The following ZNF521 variants were observed in gnomAD, a reference collection of about 807,000 sequenced individuals.
The protein encoded by ZNF521 is LYST-interacting protein 3.
ZNF521 carries 14 observed loss-of-function variants against 105.5 expected under a neutral mutation model. The observed-to-expected ratio is 0.13, with a 90% CI of 0.09 to 0.21. The LOEUF (loss-of-function observed/expected upper bound fraction) is 0.21. ZNF521 is among the 10% of genes least tolerant of loss of function. The probability of loss-of-function intolerance (pLI) is 1.00; values close to 1 mark genes in which losing one functional copy is unlikely to be tolerated. For synonymous variants in ZNF521, 635 were observed against 606.0 expected, an observed-to-expected ratio of 1.05 and a Z score of -0.70; for missense variants, 1,233 against 1,629.7, an observed-to-expected ratio of 0.76 and a Z score of 4.19.
chr18:25,101,873 T>C lies in ZNF521; in HGVS notation c.3659-9792A>G, dbSNP rs564633071. On this transcript the variant is annotated intron_variant, in intron 5 of 7. Transcript: ENST00000361524. The stretch of plus-strand genomic sequence containing the variant: ...ACAGCAATAATGATAAATGAATTTC[T>C]TTACAGCCAAGTGGCTCAAGCAGCC... Among the ~76,000 whole-genome samples, 5 of 152,318 alleles carry C rather than the reference T, an allele frequency of 3.3e-5. No homozygotes were observed. In the East Asian group the frequency reaches 9.7e-4, roughly 29 times the overall value.
intron 3 of ZNF521, among the ~76,000 whole-genome samples, chr18:25,313,077 A>C (rs146263826): frequency 2.7e-4 from 41 of 152,218 alleles, no homozygotes; most frequent in African/African-American, 6.3e-4. Flanking sequence ...TACTCTGAAT[A>C]GTCAGAAACC....
At chr18:25,242,597 T>C (rs1907412256) in intron 3 of ZNF521, among the ~76,000 whole-genome samples, 1 of 152,200 alleles carries the variant, frequency 6.6e-6, no homozygotes, top group Non-Finnish European at 1.5e-5. Flanking sequence ...TTCAATTATT[T>C]AGATGTATAA....
At chr18:25,242,933 T>G (rs1216188046) in intron 3 of ZNF521, among the ~76,000 whole-genome samples, 2 of 152,218 alleles carry the variant, frequency 1.3e-5, no homozygotes, top group Non-Finnish European at 2.9e-5. Context: ...CACTAGATTT[T>G]GGGTTTCTTC....
rs543878862 is a variant in ZNF521, at chr18:25,349,428, G to A, written c.40+1479C>T. On this transcript the variant is annotated intron_variant, in intron 2 of 7. Coordinates refer to ENST00000361524, the MANE Select transcript of ZNF521 (RefSeq NM_015461.3). ...CCAGACACACTGTGTGGAGACACAT[G>A]CCAATGATTCACCTCGTTCCCGAAC... is the stretch of plus-strand genomic sequence containing the variant. Among the ~76,000 whole-genome samples the A allele has an allele frequency of 2.7e-3, 409 of 152,310 alleles. 1 individual carries two copies. Among genetic ancestry groups the A allele is most frequent in the African/African-American group, 9.1e-3 (377 of 41,578 alleles).
intron 5 of ZNF521, among the ~76,000 whole-genome samples, chr18:25,101,902 T>C (rs1259725136): frequency 6.6e-6 from 1 of 152,202 alleles, no homozygotes; most frequent in African/African-American, 2.4e-5. Flanking sequence ...AGCAGCCAAC[T>C]ACGTTACCAC....
intron 4 of ZNF521, chr18:25,224,057 CA>C (rs1277047746): frequency 2.9e-6 from 1 of 339,284 alleles, no homozygotes; most frequent in Non-Finnish European, 5.4e-6. Flanking sequence ...GCTGAGATTC[CA>C]GATCTCAGTA....
intron 5 of ZNF521, among the ~76,000 whole-genome samples, chr18:25,174,300 G>C (rs1384509162): frequency 1.3e-5 from 2 of 152,104 alleles, no homozygotes; most frequent in African/African-American, 2.4e-5. Context: ...CAACATATTA[G>C]CTTTTTAGAT....
intron 5 of ZNF521, among the ~76,000 whole-genome samples, chr18:25,173,986 GA>G (rs903922482): frequency 7.9e-4 from 121 of 152,214 alleles, no homozygotes; most frequent in African/African-American, 2.7e-3. Context: ...CCGAAAGACT[GA>G]AAATACAGAG....
chr18:25,108,070 T>G (rs1039992478), intron 5 of ZNF521, among the ~76,000 whole-genome samples: 3 of 152,248 alleles, frequency 2.0e-5, no homozygotes, highest in African/African-American at 7.2e-5. Context: ...GTCACAGGAA[T>G]GCATATTAAC....
At chr18:25,349,276 G>C (rs1489990011) in intron 2 of ZNF521, among the ~76,000 whole-genome samples, 1 of 152,150 alleles carries the variant, frequency 6.6e-6, no homozygotes, top group Non-Finnish European at 1.5e-5. Flanking sequence ...CGCGAGCCTG[G>C]TCCACCGTTA....
intron 3 of ZNF521, among the ~76,000 whole-genome samples, chr18:25,310,410 G>C (rs11872275): frequency 0.12 from 18,116 of 148,976 alleles, 2,544 homozygotes; most frequent in African/African-American, 0.33. Context: ...CTAAGAGTCA[G>C]ATTTAAAACA....
intron 3 of ZNF521, among the ~76,000 whole-genome samples, chr18:25,234,761 C>T (rs1017156295): frequency 4.0e-5 from 6 of 151,804 alleles, no homozygotes; most frequent in African/African-American, 7.3e-5. Context: ...TCAAAATTAA[C>T]GATAATTTAG....
rs1438822332 is a variant in ZNF521, at chr18:25,352,084, A to C, written c.-81T>G. ...TGGAAGCAAGGCCCCCAAAGCCATC[A>C]GGATGGCTCCAGAGGGGGCCCCTAA... On this transcript the variant is annotated 5_prime_UTR_variant, in exon 1 of 8. Transcript: ENST00000361524. 4.0e-6 allele frequency: 2 copies of C among 493,934 alleles called. No individual in the cohort carries two copies. The highest frequency in any genetic ancestry group is 2.0e-5 in the Admixed American group (1 of 49,424). The allele number at this position is 493,934 out of a possible 1,614,324, so 30.6% of individuals were successfully genotyped here. A position where few individuals can be genotyped will look rare whatever the true frequency, so the allele number is the denominator to read the frequency against.
At chr18:25,161,483 G>A (rs1018206859) in intron 5 of ZNF521, among the ~76,000 whole-genome samples, 3 of 152,206 alleles carry the variant, frequency 2.0e-5, no homozygotes, top group Admixed American at 2.0e-4. Flanking sequence ...GAAATGGCCA[G>A]CATTGTGAAT....
rs183209239 is a variant in ZNF521 at position 25,216,262 on chromosome 18, T to C, written c.3573+8083A>G. 9.2e-5 allele frequency among the ~76,000 whole-genome samples: 14 copies of C among 152,300 alleles called. No homozygotes were observed. In the East Asian group the frequency reaches 1.7e-3, roughly 19 times the overall value. On this transcript the variant is annotated intron_variant, in intron 4 of 7. Coordinates refer to ENST00000361524, the MANE Select transcript of ZNF521 (RefSeq NM_015461.3). ...TCTTCCATACAAAAACCATAAAAAA[T>C]ATTGATTCTAAGACACTTAAAACAG...
intron 3 of ZNF521, among the ~76,000 whole-genome samples, chr18:25,249,199 A>G (rs1907934270): frequency 6.7e-6 from 1 of 149,968 alleles, no homozygotes; most frequent in Non-Finnish European, 1.5e-5. Flanking sequence ...GCTGGAGTGC[A>G]GTGGTGCAAT....
intron 4 of ZNF521, among the ~76,000 whole-genome samples, chr18:25,210,217 G>C (rs2036154911): frequency 6.6e-6 from 1 of 152,118 alleles, no homozygotes; most frequent in African/African-American, 2.4e-5. Context: ...ACCTTATAAA[G>C]AGGGTAAAGT....
intron 7 of ZNF521, among the ~76,000 whole-genome samples, chr18:25,085,866 A>G (rs2033612093): frequency 6.6e-6 from 1 of 152,098 alleles, no homozygotes. Flanking sequence ...TCATAAAATC[A>G]TTCATGTACA....
chr18:25,172,660 A>G (rs1178780113), intron 5 of ZNF521, among the ~76,000 whole-genome samples: 2 of 152,192 alleles, frequency 1.3e-5, no homozygotes, highest in Admixed American at 6.5e-5. Context: ...TTTAGAGTAG[A>G]TAAGACATGA....
Sources: gnomAD v4.1 joint callset for allele counts (sites outside exome capture counted in the v4.1 genomes callset) on GRCh38, gnomAD v4.1.1 for gene constraint, MANE v1.5 for transcripts, NCBI Gene and HGNC (gene_info 2026-07-23, HGNC 2026-07-21) for gene names.